Variants in ARHGAP26 observed in about 807,000 individuals in gnomAD.
ARHGAP26 encodes the protein Rho GTPase activating protein 26.
ARHGAP26 carries 38 observed loss-of-function variants against 104.8 expected under a neutral mutation model. The ratio of observed to expected loss-of-function variants is 0.36; its 90% CI spans 0.28 to 0.48. The LOEUF (loss-of-function observed/expected upper bound fraction) is 0.48, where lower values mean the gene tolerates loss of function less well. Ranked by LOEUF, ARHGAP26 falls within the 20% of genes least tolerant of loss-of-function variation. ARHGAP26 has a pLI of 0.99. For synonymous variants in ARHGAP26, 341 were observed against 340.0 expected (o/e 1.00, Z -0.03); for missense variants, 704 against 947.9 (o/e 0.74, Z 3.38).
intron 11 of ARHGAP26, among the ~76,000 whole-genome samples, chr5:142,949,104 CAA>C (rs1013018130): frequency 8.7e-6 from 1 of 115,160 alleles, no homozygotes; most frequent in Admixed American, 9.2e-5. Context: ...GACTCCGTCT[CAA>C]AAAAAAAAAA....
At chr5:142,897,434 T>G (rs1011726769) in intron 6 of ARHGAP26, among the ~76,000 whole-genome samples, 9 of 152,332 alleles carry the variant, frequency 5.9e-5, no homozygotes, top group African/African-American at 1.9e-4. Context: ...GGTCAGTGGC[T>G]TCAGGAGCTG....
At chr5:143,030,566 C>T (rs973299552) in intron 12 of ARHGAP26, among the ~76,000 whole-genome samples, 3 of 152,128 alleles carry the variant, frequency 2.0e-5, no homozygotes, top group African/African-American at 7.2e-5. Context: ...GTTAGATCAG[C>T]CTATTCATTT....
chr5:142,832,175 TTA>T (rs1202571257), intron 1 of ARHGAP26, among the ~76,000 whole-genome samples: 1 of 152,182 alleles, frequency 6.6e-6, no homozygotes, highest in African/African-American at 2.4e-5. Context: ...GAGTGAAGTG[TTA>T]TCTGTTTCCC....
At chr5:143,118,102 G>C (rs1165997193) in intron 17 of ARHGAP26, among the ~76,000 whole-genome samples, 2 of 152,202 alleles carry the variant, frequency 1.3e-5, no homozygotes, top group African/African-American at 4.8e-5. Context: ...AGTACAGAAA[G>C]GAATGGGCCA....
intron 19 of ARHGAP26, among the ~76,000 whole-genome samples, chr5:143,144,316 C>T (rs570529705): frequency 5.9e-5 from 9 of 152,130 alleles, no homozygotes; most frequent in Non-Finnish European, 1.3e-4. Flanking sequence ...TGTTCTTGTG[C>T]GCTTCTGTCA....
chr5:142,983,146 G>T (rs922209798), intron 11 of ARHGAP26, among the ~76,000 whole-genome samples: 1 of 152,314 alleles, frequency 6.6e-6, no homozygotes, highest in Non-Finnish European at 1.5e-5. Context: ...GTATGTCTGT[G>T]ATCTCTGAGC....
intron 1 of ARHGAP26, among the ~76,000 whole-genome samples, chr5:142,797,838 T>C (rs1761294809): frequency 6.6e-6 from 1 of 152,244 alleles, no homozygotes; most frequent in African/African-American, 2.4e-5. Context: ...AACTTTAATG[T>C]GCATCCAGAT....
At chr5:143,200,343 A>G (rs1338722134) in intron 20 of ARHGAP26, among the ~76,000 whole-genome samples, 1 of 152,198 alleles carries the variant, frequency 6.6e-6, no homozygotes, top group Non-Finnish European at 1.5e-5. Context: ...ATTTATGCTA[A>G]GGAAACAATT....
chr5:142,903,383 G>A (rs1760653372), intron 7 of ARHGAP26, among the ~76,000 whole-genome samples, 157 bp from the exon 8 acceptor site: 1 of 152,162 alleles, frequency 6.6e-6, no homozygotes, highest in Non-Finnish European at 1.5e-5. Context: ...GGACTTTAAG[G>A]CCAAAGTATA....
At chr5:142,979,796 C>A (rs1773657320) in intron 11 of ARHGAP26, among the ~76,000 whole-genome samples, 1 of 152,224 alleles carries the variant, frequency 6.6e-6, no homozygotes. Context: ...TTATTCTCTG[C>A]AGGCACTGTT....
intron 11 of ARHGAP26, among the ~76,000 whole-genome samples, chr5:142,971,869 T>C (rs1478828246): frequency 6.6e-6 from 1 of 152,168 alleles, no homozygotes; most frequent in Non-Finnish European, 1.5e-5. Context: ...TCATTTCCTA[T>C]GTGATACACG....
At chr5:143,199,205 G>A (rs185254025) in intron 20 of ARHGAP26, among the ~76,000 whole-genome samples, 3 of 152,322 alleles carry the variant, frequency 2.0e-5, no homozygotes, top group East Asian at 3.9e-4. Context: ...ACACGAAACA[G>A]TCAAGCTCAG....
intron 12 of ARHGAP26, among the ~76,000 whole-genome samples, chr5:143,029,283 T>C (rs927205259): frequency 1.3e-5 from 2 of 152,058 alleles, no homozygotes; most frequent in Admixed American, 6.5e-5. Context: ...ATTGGAAAAT[T>C]GCATAAATTT....
At chr5:142,854,184 AT>A (rs1420389537) in intron 1 of ARHGAP26, among the ~76,000 whole-genome samples, 4 of 152,206 alleles carry the variant, frequency 2.6e-5, no homozygotes, top group African/African-American at 9.6e-5. Context: ...CCACCACAAT[AT>A]TGGGAGAATT....
At chr5:143,203,451 G>A (rs1348879600) in intron 20 of ARHGAP26, 1 of 152,218 alleles carries the variant, frequency 6.6e-6, no homozygotes, top group Non-Finnish European at 1.5e-5. Flanking sequence ...TGGAGAAACA[G>A]GAATGCTTTT....
Position 142,944,573 on chromosome 5 carries a change from T to G in ARHGAP26, c.1107+12448T>G, listed in dbSNP as rs79659165. Among the ~76,000 whole-genome samples, 363 of 152,316 alleles carry G rather than the reference T, an allele frequency of 2.4e-3. 2 individuals are homozygous for G. Among genetic ancestry groups the G allele is most frequent in the African/African-American group, 8.6e-3 (357 of 41,572 alleles). On this transcript the variant is annotated intron_variant, in intron 11 of 22. Coordinates refer to ENST00000645722, the MANE Select transcript of ARHGAP26 (RefSeq NM_001135608.3). Reference sequence around the variant, plus strand: ...TGATGAGCCTGTAGGTGTATTTATATGTGTGTGTATCAACCTGAGAGTGGA... The same window carrying G: ...TGATGAGCCTGTAGGTGTATTTATAGGTGTGTGTATCAACCTGAGAGTGGA...
chr5:143,012,578 A>G (rs114730480), intron 11 of ARHGAP26, among the ~76,000 whole-genome samples: 2,364 of 15,880 alleles, frequency 0.15, 210 homozygotes, highest in South Asian at 0.29. Flanking sequence ...TATATATATT[A>G]TGATCAGGTT....
intron 20 of ARHGAP26, chr5:143,170,272 A>C (rs1054542066): frequency 2.0e-5 from 3 of 152,250 alleles, no homozygotes; most frequent in African/African-American, 7.2e-5. Flanking sequence ...ACAGTGGCTC[A>C]GCAGCTCTGA....
intron 10 of ARHGAP26, among the ~76,000 whole-genome samples, chr5:142,925,441 A>G (rs1231762187): frequency 6.6e-6 from 1 of 152,220 alleles, no homozygotes; most frequent in African/African-American, 2.4e-5. Flanking sequence ...CTCCGTAGAC[A>G]TTTGGGTCTG....
Sources: gnomAD v4.1 joint callset for allele counts (sites outside exome capture counted in the v4.1 genomes callset) on GRCh38, gnomAD v4.1.1 for gene constraint, MANE v1.5 for transcripts, NCBI Gene and HGNC (gene_info 2026-07-23, HGNC 2026-07-21) for gene names.